The following CAMSAP2 variants were observed in gnomAD, a reference collection of about 807,000 sequenced individuals.
CAMSAP2 encodes the protein calmodulin-regulated spectrin-associated protein 2.
In CAMSAP2, 26 loss-of-function variants were observed where a neutral mutation model predicts 146.1. The observed-to-expected ratio is 0.18, with a 90% CI of 0.13 to 0.25. The LOEUF is 0.25. Ranked by LOEUF, CAMSAP2 falls within the 10% of genes least tolerant of loss-of-function variation. The pLI, the probability that CAMSAP2 is intolerant of heterozygous loss-of-function variation, is 1.00. For missense variants in CAMSAP2, 1,381 were observed against 1,759.3 expected, an observed-to-expected ratio of 0.78 and a Z score of 3.85; for synonymous variants, 499 against 596.6, an observed-to-expected ratio of 0.84 and a Z score of 2.38.
chr1:200,767,815 T>C (rs1379099496), intron 2 of CAMSAP2, among the ~76,000 whole-genome samples: 6 of 152,242 alleles, frequency 3.9e-5, no homozygotes, highest in Non-Finnish European at 8.8e-5. Context: ...TTACTACTCA[T>C]GTACCTAATA....
intron 2 of CAMSAP2, among the ~76,000 whole-genome samples, chr1:200,793,482 A>C (rs1029596378): frequency 6.6e-6 from 1 of 152,144 alleles, no homozygotes; most frequent in Non-Finnish European, 1.5e-5. Context: ...ACTAAAAGAA[A>C]TACAATTATT....
intron 6 of CAMSAP2, among the ~76,000 whole-genome samples, chr1:200,838,705 A>T (rs547017904): frequency 1.3e-4 from 20 of 152,212 alleles, no homozygotes; most frequent in Non-Finnish European, 2.4e-4. Flanking sequence ...CCATAGTAAG[A>T]TTCCCTTTAC....
In CAMSAP2 at chr1:200,832,892, T is replaced by C; in HGVS notation, c.927+47T>C. ...TTCCCTTTGCTTTGTTAAAATATGT[T>C]TTTTTAAAAAACAAACAAAAACACC... On this transcript the variant is annotated intron_variant, in intron 6 of 16. Transcript: ENST00000358823. The surrounding 1 kb of genome is among the most constrained non-coding windows in gnomAD (Gnocchi z 4.2). 1 of 1,509,578 alleles carries C rather than the reference T, an allele frequency of 6.6e-7. No homozygotes were observed. The allele number at this position is 1,509,578 out of a possible 1,614,324, so 93.5% of individuals were successfully genotyped here. A position where few individuals can be genotyped will look rare whatever the true frequency, so the allele number is the denominator to read the frequency against.
chr1:200,850,624 A>G (rs1667595447), intron 11 of CAMSAP2, among the ~76,000 whole-genome samples: 1 of 152,166 alleles, frequency 6.6e-6, no homozygotes, highest in African/African-American at 2.4e-5. Flanking sequence ...TTTACTGCCT[A>G]GAGACTCTGT....
At position 200,739,980 on chromosome 1, in the gene CAMSAP2, C is replaced by T. The variant is rs201744813; in HGVS notation, c.139+14C>T. On this transcript the variant is annotated intron_variant, in intron 1 of 16. Coordinates refer to ENST00000358823, the MANE Select transcript of CAMSAP2 (RefSeq NM_203459.4). This position sits in a 1 kb window ranked among gnomAD's most constrained non-coding sequence, Gnocchi z 4.8. The stretch of plus-strand genomic sequence containing the variant: ...CCTTTGGGACAGGTTAGTGGTGTCA[C>T]CCTTTCCCTCCCCTCTTCCTCCTGA... 1.2e-6 allele frequency: 2 copies of T among 1,613,520 alleles called. No homozygotes were observed. Among genetic ancestry groups the T allele is most frequent in the Non-Finnish European group, 1.7e-6 (2 of 1,179,680 alleles).
chr1:200,793,201 C>G (rs1403075629), intron 2 of CAMSAP2, among the ~76,000 whole-genome samples: 1 of 152,108 alleles, frequency 6.6e-6, no homozygotes, highest in African/African-American at 2.4e-5. Context: ...CAGTTTTCCT[C>G]ATCTATAGTA....
At chr1:200,762,740 G>A (rs1462136354) in intron 2 of CAMSAP2, among the ~76,000 whole-genome samples, 8 of 152,120 alleles carry the variant, frequency 5.3e-5, no homozygotes, top group African/African-American at 1.9e-4. Context: ...TTTTTCCAGT[G>A]TAGTTTGTAT....
chr1:200,840,116 A>G (rs1433288310), intron 6 of CAMSAP2, among the ~76,000 whole-genome samples: 2 of 152,148 alleles, frequency 1.3e-5, no homozygotes, highest in African/African-American at 4.8e-5. Flanking sequence ...AGACTCTTAC[A>G]CTCAGCCACC....
At chr1:200,812,448 A>C (rs1666357735) in intron 3 of CAMSAP2, among the ~76,000 whole-genome samples, 1 of 152,210 alleles carries the variant, frequency 6.6e-6, no homozygotes, top group Admixed American at 6.5e-5. Flanking sequence ...GGTTTAAAAC[A>C]ATTTGATTCA....
At chr1:200,834,289 GGAGGCA>G (rs746840762) in intron 6 of CAMSAP2, among the ~76,000 whole-genome samples, 10 of 152,006 alleles carry the variant, frequency 6.6e-5, no homozygotes, top group Non-Finnish European at 1.0e-4. Flanking sequence ...CTTGAACCTG[GGAGGCA>G]GAGGTTGCAG....
At chr1:200,779,668 A>G (rs1665379119) in intron 2 of CAMSAP2, among the ~76,000 whole-genome samples, 1 of 152,224 alleles carries the variant, frequency 6.6e-6, no homozygotes, top group Admixed American at 6.5e-5. Flanking sequence ...AGGGTAGTCA[A>G]AGGTGTAGGA....
At position 200,834,346 on chromosome 1, in the gene CAMSAP2, G is replaced by T. The variant is rs1430592743; in HGVS notation, c.927+1501G>T. Among the ~76,000 whole-genome samples, 3 of 151,136 alleles carry T rather than the reference G, an allele frequency of 2.0e-5. No individual in the cohort carries two copies. The East Asian group carries it at 5.8e-4, about 29-fold the overall frequency. ...CCACTGCATTCCAGCCTGGGTGACA[G>T]AATAAGACTATGTCTCAAAAAAAAA... On this transcript the variant is annotated intron_variant, in intron 6 of 16. Transcript: ENST00000358823.
chr1:200,785,843 A>G (rs1352342225), intron 2 of CAMSAP2, among the ~76,000 whole-genome samples: 1 of 150,758 alleles, frequency 6.6e-6, no homozygotes, highest in Non-Finnish European at 1.5e-5. Flanking sequence ...ATGTGCCACT[A>G]CTCCTGGCTA....
chr1:200,824,806 C>T (rs890204799), intron 4 of CAMSAP2, among the ~76,000 whole-genome samples: 6 of 152,104 alleles, frequency 3.9e-5, no homozygotes, highest in African/African-American at 1.4e-4. Context: ...TGGTGAAACC[C>T]CGTCTCTACC....
Position 200,848,226 on chromosome 1 carries a change from T to C in CAMSAP2, c.1457T>C (p.Ile486Thr), listed in dbSNP as rs771034773. 2 of 1,613,712 alleles carry C rather than the reference T, an allele frequency of 1.2e-6. No homozygotes were observed. The highest frequency in any genetic ancestry group is 1.3e-5 in the African/African-American group (1 of 74,916). ...AATGGAGAAGAGGAAGCAGAGAGCA[T>C]TGAAGAAGAACTTAATATAGATTCT... Reference protein sequence around the residue: ...PINGEEEAESIEEELNIDSHS... With the variant: ...PINGEEEAESTEEELNIDSHS... The change falls in exon 11 of 17, where the codon ATT becomes ACT. Residue 486 changes from isoleucine (I) to threonine (T), a missense_variant. Around this residue, in one of 4 missense-constraint regions of CAMSAP2, gnomAD observed 447 missense variants for 462.2 expected, o/e 0.97. Transcript: ENST00000358823.
At chr1:200,851,310 C>G (rs978052257) in intron 11 of CAMSAP2, among the ~76,000 whole-genome samples, 9 of 152,162 alleles carry the variant, frequency 5.9e-5, no homozygotes, top group Non-Finnish European at 1.0e-4. Context: ...AGGCGATTCT[C>G]CTGCCACAGC....
intron 2 of CAMSAP2, among the ~76,000 whole-genome samples, chr1:200,770,051 A>G (rs1665072655): frequency 2.0e-5 from 3 of 152,214 alleles, no homozygotes; most frequent in Non-Finnish European, 2.9e-5. Flanking sequence ...ATAACACCAC[A>G]GTGATCAAGT....
At chr1:200,845,626 G>A (rs1282079444) in intron 8 of CAMSAP2, among the ~76,000 whole-genome samples, 3 of 152,072 alleles carry the variant, frequency 2.0e-5, no homozygotes, top group Admixed American at 6.5e-5. Context: ...ATACATTTCC[G>A]TCTCAGGCAT....
intron 2 of CAMSAP2, among the ~76,000 whole-genome samples, chr1:200,789,339 T>G (rs1027879487): frequency 1.3e-5 from 2 of 152,196 alleles, no homozygotes; most frequent in Non-Finnish European, 2.9e-5. Flanking sequence ...TGATTCATTT[T>G]GAGTTAATTT....
Sources: allele counts gnomAD v4.1 joint callset (sites outside exome capture counted in the v4.1 genomes callset), GRCh38; gene constraint gnomAD v4.1.1; regional missense constraint gnomAD v4.1.1; non-coding constraint Gnocchi (gnomAD v3.1); transcripts MANE v1.5; gene names NCBI Gene and HGNC (gene_info 2026-07-23, HGNC 2026-07-21).